GAD2: variants seen among roughly 807,000 people sequenced by gnomAD.
GAD2 encodes glutamate decarboxylase 2.
Under a neutral mutation model 80.1 loss-of-function variants are expected in GAD2, and 22 were observed. That is an observed-to-expected ratio of 0.27 (90% CI 0.20 to 0.39). GAD2 has a LOEUF of 0.39. Among genes scored for constraint, GAD2 ranks in the 10% least tolerant of loss-of-function variants. GAD2 has a pLI of 1.00. For missense variants in GAD2, 624 were observed against 738.4 expected, an observed-to-expected ratio of 0.85 and a Z score of 1.80; for synonymous variants, 274 against 256.9, an observed-to-expected ratio of 1.07 and a Z score of -0.64.
At position 26,230,046 on chromosome 10, in the gene GAD2, A is replaced by AGCAC. The variant is rs200316325; in HGVS notation, c.840+270_840+273dup. Among the ~76,000 whole-genome samples, 449 of 147,606 alleles carry AGCAC rather than the reference A, an allele frequency of 3.0e-3. 5 individuals carry two copies. The highest frequency in any genetic ancestry group is 0.011 in the African/African-American group (433 of 38,990). ...TTAAAAAAAATTAGCCAGATGTGGT[A>AGCAC]GCACCTATGATCCTAGGACGCTGAG... On this transcript the variant is annotated intron_variant, in intron 7 of 15. Transcript: ENST00000376261.
At chr10:26,287,021 C>T (rs1490815718) in intron 13 of GAD2, among the ~76,000 whole-genome samples, 3 of 152,194 alleles carry the variant, frequency 2.0e-5, no homozygotes, top group African/African-American at 7.2e-5. Context: ...GAGTTTCCCT[C>T]TGAATTTAGC....
intron 13 of GAD2, among the ~76,000 whole-genome samples, chr10:26,289,465 T>C (rs1040986868): frequency 2.0e-5 from 3 of 152,176 alleles, no homozygotes; most frequent in African/African-American, 7.2e-5. Context: ...TAATGACTAA[T>C]GGAGCTAAAT....
At chr10:26,231,647 C>T (rs995988607) in intron 7 of GAD2, among the ~76,000 whole-genome samples, 2 of 152,156 alleles carry the variant, frequency 1.3e-5, no homozygotes, top group Non-Finnish European at 2.9e-5. Flanking sequence ...TGATCACAAA[C>T]TTTGTGGCTT....
At chr10:26,221,986 A>G (rs961142005) in intron 4 of GAD2, among the ~76,000 whole-genome samples, 1 of 152,190 alleles carries the variant, frequency 6.6e-6, no homozygotes, top group Non-Finnish European at 1.5e-5. Flanking sequence ...GGGCCACAGG[A>G]TGGGAGCAAA....
At chr10:26,230,470 C>T (rs1482828276) in intron 7 of GAD2, among the ~76,000 whole-genome samples, 1 of 151,924 alleles carries the variant, frequency 6.6e-6, no homozygotes, top group Non-Finnish European at 1.5e-5. Flanking sequence ...GCTATGTCAC[C>T]CAGACTGTAG....
rs974440746 is a variant in GAD2, at chr10:26,224,029, T to A, written c.611+52T>A. On this transcript the variant is annotated intron_variant, in intron 5 of 15. Coordinates refer to ENST00000376261, the MANE Select transcript of GAD2 (RefSeq NM_001134366.2). ...AATTTAGGATAATTATTAGTGACAT[T>A]CCATAGTCTTTACATCTTATGTGAA... The A allele has an allele frequency of 2.4e-6, 3 of 1,267,672 alleles. No individual in the cohort carries two copies. The African/African-American group carries it at 4.4e-5, about 19-fold the overall frequency. The allele number at this position is 1,267,672 out of a possible 1,614,324, so 78.5% of individuals were successfully genotyped here.
chr10:26,260,219 A>G (rs899131195), intron 8 of GAD2, among the ~76,000 whole-genome samples: 3 of 152,196 alleles, frequency 2.0e-5, no homozygotes, highest in African/African-American at 7.2e-5. Context: ...TATAATTTAT[A>G]TTACTTAACA....
At chr10:26,284,019 G>T (rs1417596317) in intron 12 of GAD2, among the ~76,000 whole-genome samples, 1 of 152,206 alleles carries the variant, frequency 6.6e-6, no homozygotes, top group Non-Finnish European at 1.5e-5. Context: ...TTAATAAGGG[G>T]AGGAGATTAA....
chr10:26,258,812 A>ATT (rs59176915), intron 8 of GAD2, among the ~76,000 whole-genome samples: 7 of 144,914 alleles, frequency 4.8e-5, no homozygotes, highest in South Asian at 2.2e-4. Context: ...GCTTCCACCA[A>ATT]TTTTTTTTTT....
chr10:26,217,481 G>C lies in GAD2; in HGVS notation c.77-129G>C. 1.1e-6 allele frequency: 1 copy of C among 944,554 alleles called. No homozygotes were observed. Among genetic ancestry groups the C allele is most frequent in the Non-Finnish European group, 1.7e-6 (1 of 603,094 alleles). 58.5% of individuals were successfully genotyped at this position (944,554 alleles called of 1,614,324 possible). On this transcript the variant is annotated intron_variant, in intron 1 of 15. Coordinates refer to ENST00000376261, the MANE Select transcript of GAD2 (RefSeq NM_001134366.2). The surrounding 1 kb of genome is among the most constrained non-coding windows in gnomAD (Gnocchi z 4.9). ...CTGCCGGCCTCACCGAGTCCTGAGC[G>C]GCCCCCAGGAGGAAGGCGGCCCCTC... is the stretch of plus-strand genomic sequence containing the variant.
chr10:26,281,905 C>G (rs1564670398), intron 12 of GAD2, among the ~76,000 whole-genome samples: 1 of 152,128 alleles, frequency 6.6e-6, no homozygotes, highest in African/African-American at 2.4e-5. Context: ...AATAAAGCAA[C>G]CCCAGATTAA....
intron 7 of GAD2, among the ~76,000 whole-genome samples, chr10:26,230,020 T>G (rs866061301): frequency 6.6e-6 from 1 of 151,046 alleles, no homozygotes; most frequent in Non-Finnish European, 1.5e-5. Context: ...TCACAGAAAA[T>G]TTAAAAAAAA....
chr10:26,220,403 G>T (rs757217875), intron 4 of GAD2, among the ~76,000 whole-genome samples: 1 of 152,194 alleles, frequency 6.6e-6, no homozygotes. Context: ...AATGTTTGCT[G>T]TGAGAAGTTT....
At position 26,217,908 on chromosome 10, in the gene GAD2, C is replaced by T. The variant is rs1365808507; in HGVS notation, c.203C>T (p.Ala68Val). ...GGGAGCCAACCCCCGCGGGCCGCCG[C>T]CCGGAAGGCCGCCTGCGCCTGCGAC... ...SGGSQPPRAA[A>V]RKAACACDQK... is the part of the protein sequence containing the mutation. The change falls in exon 3 of 16, where the codon GCC becomes GTC. Residue 68 changes from alanine (A) to valine (V), a missense_variant. By Grantham distance (64) the Ala-to-Val change is moderately conservative. Transcript: ENST00000376261. The surrounding 1 kb of genome is among the most constrained non-coding windows in gnomAD (Gnocchi z 4.9). The T allele has an allele frequency of 1.1e-5, 17 of 1,610,614 alleles. No homozygotes were observed. Among genetic ancestry groups the T allele is most frequent in the Non-Finnish European group, 1.4e-5 (16 of 1,178,752 alleles).
chr10:26,287,675 C>G (rs998070860), intron 13 of GAD2, among the ~76,000 whole-genome samples: 1 of 152,172 alleles, frequency 6.6e-6, no homozygotes, highest in African/African-American at 2.4e-5. Context: ...TTTTTGCAGT[C>G]TTATGTGACA....
intron 6 of GAD2, among the ~76,000 whole-genome samples, chr10:26,227,638 G>A (rs1247838583): frequency 6.6e-6 from 1 of 152,228 alleles, no homozygotes; most frequent in Non-Finnish European, 1.5e-5. Context: ...TTGTCTGGGG[G>A]AGAGGGTGCT....
intron 8 of GAD2, among the ~76,000 whole-genome samples, chr10:26,252,377 CTG>C (rs1181366466): frequency 2.0e-5 from 3 of 151,860 alleles, no homozygotes; most frequent in African/African-American, 7.3e-5. Context: ...AGGTCTCACT[CTG>C]TCACCCAGGC....
rs1221542607 is a variant in GAD2 at position 26,217,735 on chromosome 10, G to T, written c.136+66G>T. ...GGGTCCAAGCAGTCTTCTCACCTCC[G>T]CATCCCAGTCAGCGGAGTCGGGGTT... is the stretch of plus-strand genomic sequence containing the variant. On this transcript the variant is annotated intron_variant, in intron 2 of 15. Transcript: ENST00000376261. The surrounding 1 kb of genome is among the most constrained non-coding windows in gnomAD (Gnocchi z 4.9). The T allele has an allele frequency of 4.4e-6, 7 of 1,592,908 alleles. No homozygotes were observed. The highest frequency in any genetic ancestry group is 4.5e-5 in the East Asian group (2 of 44,062).
chr10:26,222,663 C>T (rs1844468053), intron 4 of GAD2, among the ~76,000 whole-genome samples: 1 of 152,218 alleles, frequency 6.6e-6, no homozygotes, highest in Non-Finnish European at 1.5e-5. Context: ...ACAATAGATA[C>T]ACAAGTCCTG....
Sources: gnomAD v4.1 joint callset for allele counts (sites outside exome capture counted in the v4.1 genomes callset) on GRCh38, gnomAD v4.1.1 for gene constraint, Gnocchi (gnomAD v3.1) non-coding constraint, MANE v1.5 for transcripts, NCBI Gene and HGNC (gene_info 2026-07-23, HGNC 2026-07-21) for gene names.